Variants in EPM2A observed in about 807,000 individuals in gnomAD.
The protein encoded by EPM2A is laforin.
A neutral mutation model predicts 26.5 loss-of-function variants in EPM2A; 21 were observed. The ratio of observed to expected loss-of-function variants is 0.79; its 90% CI spans 0.56 to 1.14. EPM2A has a LOEUF of 1.14. Ranked by LOEUF, EPM2A falls within the 50% of genes most tolerant of loss-of-function variation. The pLI, the probability that EPM2A is intolerant of heterozygous loss-of-function variation, is 0.00. For synonymous variants in EPM2A, 217 were observed against 177.6 expected (o/e 1.22, Z -1.76); for missense variants, 458 against 440.8 (o/e 1.04, Z -0.35).
chr6:145,523,561 C>A (rs1780231799), intron 2 of EPM2A, among the ~76,000 whole-genome samples: 1 of 152,114 alleles, frequency 6.6e-6, no homozygotes, highest in Non-Finnish European at 1.5e-5. Context: ...TACCATGAAC[C>A]ATACCCATAT....
intron 2 of EPM2A, among the ~76,000 whole-genome samples, chr6:145,596,637 A>G (rs912527684): frequency 6.6e-6 from 1 of 151,534 alleles, no homozygotes; most frequent in African/African-American, 2.4e-5. Flanking sequence ...GGCCTCCTAC[A>G]CCTTTATTTT....
intron 2 of EPM2A, among the ~76,000 whole-genome samples, chr6:145,542,070 A>G (rs771070258): frequency 6.6e-6 from 1 of 152,234 alleles, no homozygotes; most frequent in African/African-American, 2.4e-5. Context: ...ATCAGACTAC[A>G]ATATAAAACA....
intron 2 of EPM2A, among the ~76,000 whole-genome samples, chr6:145,515,783 C>G (rs1308589295): frequency 6.6e-6 from 1 of 152,126 alleles, no homozygotes; most frequent in Non-Finnish European, 1.5e-5. Context: ...TAGACTAGAG[C>G]CAGTCCACAG....
Position 145,627,452 on chromosome 6 carries a change from T to A in EPM2A, c.960A>T (p.Lys320Asn). Residue 320 changes from lysine to asparagine, a missense_variant, in exon 4 of 4, where the codon AAA becomes AAT. Coordinates refer to ENST00000367519, the MANE Select transcript of EPM2A (RefSeq NM_005670.4). ...LARAQEDFFQ[K>N]FGKVRSSVCS... is the part of the protein sequence containing the mutation. The stretch of plus-strand genomic sequence containing the variant: ...ACACAGAAGAACGAACCTTCCCAAA[T>A]TTCTGGAAAAAATCTTCTTGTGCCC... 6.2e-7 allele frequency: 1 copy of A among 1,614,196 alleles called. No homozygotes were observed. Among genetic ancestry groups the A allele is most frequent in the African/African-American group, 1.3e-5 (1 of 75,036 alleles).
chr6:145,404,902 T>C (rs937465609), intron 4 of EPM2A, among the ~76,000 whole-genome samples: 11 of 152,260 alleles, frequency 7.2e-5, no homozygotes, highest in African/African-American at 2.6e-4. Flanking sequence ...AAGTGTGATT[T>C]TGAAATATAA....
rs1181764192 is a variant in EPM2A, at chr6:145,730,637, A to G, written c.301+4561T>C. Among the ~76,000 whole-genome samples, 2 of 152,228 alleles carry G rather than the reference A, an allele frequency of 1.3e-5. 1 individual carries two copies. The highest frequency in any genetic ancestry group is 4.1e-4 in the South Asian group (2 of 4,834). On this transcript the variant is annotated intron_variant, in intron 1 of 3. Transcript: ENST00000367519. ...AGTGAGGAGAGAGAGGCTGTACTCCATGCTTCTTTCAGTTTGGTTACATGA... is the reference window on the plus strand; with the variant it reads ...AGTGAGGAGAGAGAGGCTGTACTCCGTGCTTCTTTCAGTTTGGTTACATGA...
intron 2 of EPM2A, among the ~76,000 whole-genome samples, chr6:145,505,073 T>C (rs1251985778): frequency 3.3e-5 from 4 of 120,264 alleles, no homozygotes; most frequent in African/African-American, 1.3e-4. Context: ...GGAAGGGGAA[T>C]ATCACACTCT....
chr6:145,426,736 T>C (rs930418602), intron 4 of EPM2A, among the ~76,000 whole-genome samples: 2 of 152,190 alleles, frequency 1.3e-5, no homozygotes, highest in African/African-American at 4.8e-5. Flanking sequence ...TGAAATTTAA[T>C]TTTTAAAAAT....
At chr6:145,723,117 T>A (rs1345174484) in intron 1 of EPM2A, among the ~76,000 whole-genome samples, 1 of 152,204 alleles carries the variant, frequency 6.6e-6, no homozygotes, top group East Asian at 1.9e-4. Context: ...GGATTCAAAA[T>A]TTTTATATCA....
chr6:145,581,035 A>T (rs1781105819), intron 2 of EPM2A, among the ~76,000 whole-genome samples: 1 of 152,162 alleles, frequency 6.6e-6, no homozygotes, highest in Non-Finnish European at 1.5e-5. Context: ...TATATATCCA[A>T]TAATTGGAAT....
intron 4 of EPM2A, among the ~76,000 whole-genome samples, chr6:145,408,465 T>C (rs1034968382): frequency 1.3e-5 from 2 of 152,182 alleles, no homozygotes; most frequent in Non-Finnish European, 2.9e-5. Context: ...AACCACATTG[T>C]CAGGGCTTCC....
intron 4 of EPM2A, among the ~76,000 whole-genome samples, chr6:145,459,766 T>C (rs962729037): frequency 1.3e-5 from 2 of 152,190 alleles, no homozygotes; most frequent in Admixed American, 1.3e-4. Flanking sequence ...TCTGCACATA[T>C]AACTTTGCCA....
Position 145,625,978 on chromosome 6 carries a change from A to G in EPM2A, c.*1438T>C. The G allele has an allele frequency of 2.5e-6, 3 of 1,195,432 alleles. No individual in the cohort carries two copies. The highest frequency in any genetic ancestry group is 3.3e-6 in the Non-Finnish European group (3 of 897,838). 74.1% of individuals were successfully genotyped at this position (1,195,432 alleles called of 1,614,324 possible). A position where few individuals can be genotyped will look rare whatever the true frequency, so the allele number is the denominator to read the frequency against. On this transcript the variant is annotated 3_prime_UTR_variant, in exon 4 of 4. Transcript: ENST00000367519. ...ATCTCACTTCATCTATTTATTCATC[A>G]TGTGACAATAGACAGTTGAGTTAAC...
chr6:145,549,310 C>A (rs1333430681), intron 2 of EPM2A, among the ~76,000 whole-genome samples: 1 of 152,080 alleles, frequency 6.6e-6, no homozygotes, highest in African/African-American at 2.4e-5. Context: ...AATTTATAAG[C>A]CTACTTATCA....
chr6:145,708,513 G>A (rs1363422073), intron 1 of EPM2A, among the ~76,000 whole-genome samples: 2 of 152,186 alleles, frequency 1.3e-5, no homozygotes, highest in African/African-American at 4.8e-5. Flanking sequence ...CTCAAGCCAT[G>A]GCTTCAGAGG....
At chr6:145,551,291 G>A (rs1371854664) in intron 2 of EPM2A, among the ~76,000 whole-genome samples, 1 of 151,960 alleles carries the variant, frequency 6.6e-6, no homozygotes, top group East Asian at 1.9e-4. Context: ...TAAAAATTAG[G>A]TGAAACAGTA....
At chr6:145,513,725 A>G (rs781213289) in intron 2 of EPM2A, among the ~76,000 whole-genome samples, 3 of 152,240 alleles carry the variant, frequency 2.0e-5, no homozygotes, top group Admixed American at 6.5e-5. Flanking sequence ...GTACTTACTT[A>G]AATTATAAAC....
At chr6:145,571,981 A>G (rs1365248036) in intron 2 of EPM2A, among the ~76,000 whole-genome samples, 1 of 152,070 alleles carries the variant, frequency 6.6e-6, no homozygotes, top group Non-Finnish European at 1.5e-5. Flanking sequence ...CTATTCCCCA[A>G]ATTTCTTTGT....
intron 1 of EPM2A, among the ~76,000 whole-genome samples, chr6:145,732,526 C>T (rs969302807): frequency 1.3e-5 from 2 of 151,836 alleles, no homozygotes; most frequent in African/African-American, 4.8e-5. Flanking sequence ...AAGCAATATG[C>T]ATTCATCAAG....
Sources: allele counts gnomAD v4.1 joint callset (sites outside exome capture counted in the v4.1 genomes callset), GRCh38; gene constraint gnomAD v4.1.1; transcripts MANE v1.5; gene names NCBI Gene and HGNC (gene_info 2026-07-23, HGNC 2026-07-21).